The following LHFPL4 variants were observed in gnomAD, a reference collection of about 807,000 sequenced individuals.
LHFPL4 encodes the protein LHFPL tetraspan subfamily member 4, also known as LHFPL tetraspan subfamily member 4 protein.
Under a neutral mutation model 20.0 loss-of-function variants are expected in LHFPL4, and 6 were observed. That is an observed-to-expected ratio of 0.30 (90% CI 0.16 to 0.59). LHFPL4 has a LOEUF of 0.59. LHFPL4 is among the 20% of genes least tolerant of loss of function. LHFPL4 has a pLI of 0.88. For missense variants in LHFPL4, 215 were observed against 331.2 expected, an observed-to-expected ratio of 0.65 and a Z score of 2.72; for synonymous variants, 129 against 143.8, an observed-to-expected ratio of 0.90 and a Z score of 0.74.
Position 9,552,829 on chromosome 3 carries a change from T to G in LHFPL4, c.-150A>C, listed in dbSNP as rs2046565482. 1 of 222,968 alleles carries G rather than the reference T, an allele frequency of 4.5e-6. No homozygotes were observed. The allele number at this position is 222,968 out of a possible 1,614,324, so 13.8% of individuals were successfully genotyped here. A position where few individuals can be genotyped will look rare whatever the true frequency, so the allele number is the denominator to read the frequency against. ...GCGAGGGCGGGGCCTGGGGCAGAGC[T>G]GGGGGCGTCTGGGAGCTGCTAAGGG... On this transcript the variant is annotated 5_prime_UTR_variant, in exon 2 of 4. Transcript: ENST00000287585.
intron 2 of LHFPL4, among the ~76,000 whole-genome samples, chr3:9,532,021 T>C (rs2046412400): frequency 6.6e-6 from 1 of 152,146 alleles, no homozygotes. Context: ...GCTGAGCTAT[T>C]GCTTTTTAGT....
intron 2 of LHFPL4, among the ~76,000 whole-genome samples, chr3:9,542,270 A>C (rs1405279040): frequency 2.6e-5 from 4 of 152,200 alleles, no homozygotes; most frequent in South Asian, 4.1e-4. Context: ...TGGGCACCAG[A>C]GCGAGACTCT....
intron 2 of LHFPL4, among the ~76,000 whole-genome samples, chr3:9,513,298 C>G (rs2046274402): frequency 6.6e-6 from 1 of 151,772 alleles, no homozygotes; most frequent in African/African-American, 2.4e-5. Context: ...AACCTTGGGT[C>G]ATTTATTTTA....
rs1018589194 is a variant in LHFPL4, at chr3:9,500,254, C to A, written c.*1957G>T. 6.6e-6 allele frequency: 1 copy of A among 152,562 alleles called. No individual in the cohort carries two copies. The highest frequency in any genetic ancestry group is 1.5e-5 in the Non-Finnish European group (1 of 68,310). 9.5% of individuals were successfully genotyped at this position (152,562 alleles called of 1,614,324 possible). Reference sequence around the variant, plus strand: ...TTGGTTTGCATCTTTGAGGAACTCCCTCCTACCCCAACTCCCTCCCACGGG... The same window carrying A: ...TTGGTTTGCATCTTTGAGGAACTCCATCCTACCCCAACTCCCTCCCACGGG... On this transcript the variant is annotated 3_prime_UTR_variant, in exon 4 of 4. Coordinates refer to ENST00000287585, the MANE Select transcript of LHFPL4 (RefSeq NM_198560.3).
rs180978435 is a variant in LHFPL4 at position 9,506,401 on chromosome 3, T to C, written c.407-198A>G. Among the ~76,000 whole-genome samples, 523 of 152,162 alleles carry C rather than the reference T, an allele frequency of 3.4e-3. 2 individuals carry two copies. Among genetic ancestry groups the C allele is most frequent in the Non-Finnish European group, 5.9e-3 (400 of 67,988 alleles). On this transcript the variant is annotated intron_variant, in intron 2 of 3. Transcript: ENST00000287585. This position sits in a 1 kb window ranked among gnomAD's most constrained non-coding sequence, Gnocchi z 4.5. ...GAGAGAGAAAGAGGTCTACGATGGG[T>C]AGCAGAAACTTTCTGGAACCCGCAA...
chr3:9,538,005 T>C (rs892339529), intron 2 of LHFPL4, among the ~76,000 whole-genome samples: 1 of 152,108 alleles, frequency 6.6e-6, no homozygotes, highest in African/African-American at 2.4e-5. Context: ...CTGATCTTCA[T>C]CCTATGTCCT....
intron 2 of LHFPL4, among the ~76,000 whole-genome samples, chr3:9,527,809 A>AACAC (rs58489008): frequency 0.061 from 8,693 of 143,122 alleles, 342 homozygotes; most frequent in African/African-American, 0.12. Flanking sequence ...TTCAAATACA[A>AACAC]ACACACACAC....
chr3:9,547,542 C>G (rs916417232), intron 2 of LHFPL4, among the ~76,000 whole-genome samples: 17 of 152,218 alleles, frequency 1.1e-4, no homozygotes, highest in African/African-American at 3.6e-4. Flanking sequence ...CCACCTTTCA[C>G]TAAATGTGTG....
In LHFPL4 at chr3:9,505,943, C is replaced by G; in HGVS notation, c.643+24G>C. 2.5e-6 allele frequency: 4 copies of G among 1,598,928 alleles called. No individual in the cohort carries two copies. The East Asian group carries it at 8.9e-5, about 36-fold the overall frequency. ...GGACCAGGCCTGGCTCCCGCCGCTG[C>G]CCCCCAGCCCACAGCACACTCGCCT... On this transcript the variant is annotated intron_variant, in intron 3 of 3. Transcript: ENST00000287585.
intron 2 of LHFPL4, among the ~76,000 whole-genome samples, chr3:9,518,160 T>C (rs758040532): frequency 2.0e-5 from 3 of 152,200 alleles, no homozygotes; most frequent in Non-Finnish European, 4.4e-5. Flanking sequence ...TGATTACTGA[T>C]AAAATCATGT....
chr3:9,519,089 C>T (rs2046321668), intron 2 of LHFPL4, among the ~76,000 whole-genome samples: 1 of 152,086 alleles, frequency 6.6e-6, no homozygotes, highest in African/African-American at 2.4e-5. Flanking sequence ...AGGCGCATGC[C>T]ACCATGCCCG....
chr3:9,526,868 G>A lies in LHFPL4; in HGVS notation c.407-20665C>T, dbSNP rs1475661318. Among the ~76,000 whole-genome samples, 4 of 152,140 alleles carry A rather than the reference G, an allele frequency of 2.6e-5. No individual in the cohort carries two copies. The South Asian group carries it at 6.2e-4, about 24-fold the overall frequency. On this transcript the variant is annotated intron_variant, in intron 2 of 3. Transcript: ENST00000287585. ...GCTTCCCTCCCAGAGTCTGCAGGGG[G>A]CATGAGGCCCTGCCCACACTTTGAT... is the stretch of plus-strand genomic sequence containing the variant.
chr3:9,527,809 AACACACACACACACACACACACACAC>A (rs58489008), intron 2 of LHFPL4, among the ~76,000 whole-genome samples: 1 of 143,182 alleles, frequency 7.0e-6, no homozygotes, highest in Non-Finnish European at 1.5e-5. Flanking sequence ...TTCAAATACA[AACACACACACACACACACACACACAC>A]ACACACACAC....
intron 2 of LHFPL4, among the ~76,000 whole-genome samples, chr3:9,509,396 T>TA (rs764722514): frequency 2.6e-5 from 4 of 152,052 alleles, no homozygotes; most frequent in Non-Finnish European, 4.4e-5. Context: ...TCTCTATATC[T>TA]ATCCCCTCCC....
intron 2 of LHFPL4, among the ~76,000 whole-genome samples, chr3:9,523,513 G>T (rs571430207): frequency 1.3e-5 from 2 of 151,030 alleles, no homozygotes; most frequent in African/African-American, 2.4e-5. Flanking sequence ...CACTCTGTCC[G>T]CCAGGCTGGA....
chr3:9,528,490 G>T (rs1433111481), intron 2 of LHFPL4, among the ~76,000 whole-genome samples: 1 of 152,124 alleles, frequency 6.6e-6, no homozygotes, highest in Non-Finnish European at 1.5e-5. Flanking sequence ...CACACCTTCA[G>T]TTACTTCCTC....
intron 2 of LHFPL4, among the ~76,000 whole-genome samples, chr3:9,524,082 A>C (rs1024608828): frequency 2.0e-5 from 3 of 147,618 alleles, no homozygotes; most frequent in Non-Finnish European, 4.5e-5. Context: ...TCTATAGGTA[A>C]GATGTTTGTT....
chr3:9,534,352 C>T (rs147339560), intron 2 of LHFPL4, among the ~76,000 whole-genome samples: 245 of 152,102 alleles, frequency 1.6e-3, no homozygotes, highest in African/African-American at 5.7e-3. Context: ...TATAATCAGT[C>T]ATTAAAGAGA....
At chr3:9,541,510 G>A (rs994050826) in intron 2 of LHFPL4, among the ~76,000 whole-genome samples, 9 of 152,074 alleles carry the variant, frequency 5.9e-5, no homozygotes, top group South Asian at 4.2e-4. Flanking sequence ...CATGGCTCGC[G>A]CCTGTAATCC....
Sources: gnomAD v4.1 joint callset for allele counts (sites outside exome capture counted in the v4.1 genomes callset) on GRCh38, gnomAD v4.1.1 for gene constraint, Gnocchi (gnomAD v3.1) non-coding constraint, MANE v1.5 for transcripts, NCBI Gene and HGNC (gene_info 2026-07-23, HGNC 2026-07-21) for gene names.